The following ATP13A3 variants were observed in gnomAD, a reference collection of about 807,000 sequenced individuals.
ATP13A3 encodes the protein ATPase 13A3.
Under a neutral mutation model 158.1 loss-of-function variants are expected in ATP13A3, and 59 were observed. The ratio of observed to expected loss-of-function variants is 0.37; its 90% CI spans 0.30 to 0.46. ATP13A3 has a LOEUF of 0.46. Among genes scored for constraint, ATP13A3 ranks in the 20% least tolerant of loss-of-function variants. ATP13A3 has a pLI of 1.00. For synonymous variants in ATP13A3, 491 were observed against 504.3 expected, an observed-to-expected ratio of 0.97 and a Z score of 0.35; for missense variants, 1,166 against 1,525.2, an observed-to-expected ratio of 0.76 and a Z score of 3.92.
intron 2 of ATP13A3, among the ~76,000 whole-genome samples, chr3:194,465,938 C>T (rs560853516): frequency 5.3e-5 from 8 of 151,586 alleles, no homozygotes; most frequent in Non-Finnish European, 1.0e-4. Context: ...GCCAAGATCA[C>T]GCCACTGCAC....
chr3:194,431,351 C>T, intron 22 of ATP13A3, 125 bp from the exon 23 acceptor site: 1 of 1,155,042 alleles, frequency 8.7e-7, no homozygotes, highest in South Asian at 1.8e-5. Context: ...ATGATGAAAG[C>T]CGGACATTTA....
chr3:194,447,865 C>T lies in ATP13A3; in HGVS notation c.1295G>A (p.Ser432Asn), dbSNP rs754457216. ...CCACATACATACCTCATTTAAAATGCTATTAATAATAGTGTAGATAAACCC... is the reference window on the plus strand; with the variant it reads ...CCACATACATACCTCATTTAAAATGTTATTAATAATAGTGTAGATAAACCC... ...GIGFIYTIIN[S>N]ILNEVQVGVI... Residue 432 changes from serine to asparagine, a missense_variant, in exon 13 of 34, where the codon AGC becomes AAC. By Grantham distance (46) the Ser-to-Asn change is conservative (BLOSUM62 1). Transcript: ENST00000645319. 22 of 1,610,006 alleles carry T rather than the reference C, an allele frequency of 1.4e-5. No individual in the cohort carries two copies. Among genetic ancestry groups the T allele is most frequent in the African/African-American group, 5.4e-5 (4 of 74,724 alleles).
At position 194,459,863 on chromosome 3, in the gene ATP13A3, C is replaced by T. The variant is rs1719513337; in HGVS notation, c.334G>A (p.Val112Ile). Residue 112 changes from valine to isoleucine, a missense_variant, in exon 5 of 34, where the codon GTT becomes ATT. Physicochemically the swap from Val to Ile is conservative, Grantham distance 29 (BLOSUM62 3). Around this residue, in one of 3 missense-constraint regions of ATP13A3, gnomAD observed 104 missense variants for 91.7 expected, o/e 1.13. Transcript: ENST00000645319. ...MSNKLSNGHA[V>I]CLIENPTEEN... is the part of the protein sequence containing the mutation. ...TCAGTGGGATTCTCAATTAAACAAACTGCATGGCCATTTGAAAGCTTATTA... is the reference window on the plus strand; with the variant it reads ...TCAGTGGGATTCTCAATTAAACAAATTGCATGGCCATTTGAAAGCTTATTA... The T allele has an allele frequency of 1.2e-6, 2 of 1,613,576 alleles. No homozygotes were observed. The highest frequency in any genetic ancestry group is 1.7e-6 in the Non-Finnish European group (2 of 1,179,710).
chr3:194,429,562 G>GTACT (rs1287735101), intron 27 of ATP13A3, 116 bp downstream of exon 27: 1 of 636,774 alleles, frequency 1.6e-6, no homozygotes, highest in African/African-American at 1.9e-5. Flanking sequence ...AAATTTATAG[G>GTACT]TACTACTCAC....
At chr3:194,462,044 G>C (rs376542057) in intron 3 of ATP13A3, 96 bp downstream of exon 3, 1 of 1,188,986 alleles carries the variant, frequency 8.4e-7, no homozygotes, top group Non-Finnish European at 1.2e-6. Context: ...AGCTGCTGCC[G>C]CCACTGTTGT....
At chr3:194,438,074 C>T (rs1341692211) in intron 17 of ATP13A3, among the ~76,000 whole-genome samples, 1 of 152,154 alleles carries the variant, frequency 6.6e-6, no homozygotes, top group Non-Finnish European at 1.5e-5. Context: ...GCAGGAGAAT[C>T]ACTTGAACGC....
intron 21 of ATP13A3, 37 bp from the exon 22 acceptor site, chr3:194,431,929 A>C (rs1335335178): frequency 6.7e-7 from 1 of 1,486,406 alleles, no homozygotes; most frequent in Middle Eastern, 1.9e-4. Flanking sequence ...TTGAAATTAA[A>C]ATGGAAACGT....
At chr3:194,456,272 A>ATTTT (rs1719218830) in intron 7 of ATP13A3, among the ~76,000 whole-genome samples, 1 of 152,088 alleles carries the variant, frequency 6.6e-6, no homozygotes, top group African/African-American at 2.4e-5. Flanking sequence ...CTAGATCTTA[A>ATTTT]CAATTTTGAA....
intron 10 of ATP13A3, chr3:194,452,480 T>A (rs1227521465): frequency 2.6e-5 from 4 of 151,986 alleles, no homozygotes; most frequent in Non-Finnish European, 5.9e-5. Context: ...GGAGACTCTA[T>A]CGAAAAAATA....
In ATP13A3 at chr3:194,430,151, A is replaced by C; in HGVS notation, c.2698T>G (p.Leu900Val). 1 of 1,614,174 alleles carries C rather than the reference A, an allele frequency of 6.2e-7. No homozygotes were observed. The highest frequency in any genetic ancestry group is 1.1e-5 in the South Asian group (1 of 91,086). Residue 900 changes from leucine (L) to valine (V), a missense_variant, in exon 26 of 34, where the codon TTA becomes GTA. Coordinates refer to ENST00000645319, the MANE Select transcript of ATP13A3 (RefSeq NM_001367549.1). ...ALKRAHGGIS[L>V]SELEASVASP... ...GCCACTGAAGCTTCGAGCTCCGATA[A>C]GGAAATGCCTCCGTGTGCCCTCTTC...
chr3:194,403,090 G>A lies in ATP13A3; in HGVS notation c.*2829C>T, dbSNP rs965105717. Reference sequence around the variant, plus strand: ...ATTGCATGCATGAATATTTTCTAAAGCTTGAATTTTGCTCTTCACTGGATA... The same window carrying A: ...ATTGCATGCATGAATATTTTCTAAAACTTGAATTTTGCTCTTCACTGGATA... On this transcript the variant is annotated 3_prime_UTR_variant, in exon 34 of 34. Transcript: ENST00000645319. 1 of 152,122 alleles carries A rather than the reference G, an allele frequency of 6.6e-6. No homozygotes were observed. The highest frequency in any genetic ancestry group is 2.4e-5 in the African/African-American group (1 of 41,414). The allele number at this position is 152,122 out of a possible 1,614,324, so 9.4% of individuals were successfully genotyped here.
intron 20 of ATP13A3, among the ~76,000 whole-genome samples, chr3:194,434,213 T>C (rs1236782543): frequency 6.6e-6 from 1 of 152,204 alleles, no homozygotes; most frequent in Admixed American, 6.5e-5. Flanking sequence ...CATATCCTAA[T>C]TTAAATGTTA....
In ATP13A3 at chr3:194,427,078, G is replaced by A. The variant is rs201484522; in HGVS notation, c.3122C>T (p.Ser1041Leu). 5.2e-4 allele frequency: 834 copies of A among 1,611,074 alleles called. 4 individuals carry two copies. Among genetic ancestry groups the A allele is most frequent in the South Asian group, 1.9e-3 (172 of 90,130 alleles). The change falls in exon 29 of 34, where the codon TCA (serine) becomes TTA (leucine). Residue 1041 changes from serine to leucine, a missense_variant. By Grantham distance (145) the Ser-to-Leu change is moderately radical. This residue lies in a region of ATP13A3 where 997 missense variants were observed against 1,341.2 expected (regional missense o/e 0.74). Transcript: ENST00000645319. ...QPWYEVWHPK[S>L]DACNTTGSGF... is the part of the protein sequence containing the mutation. ...TTACATAGATTGACCAACTTACTCTGATTTTGGATGCCACACTTCATACCA... is the reference window on the plus strand; with the variant it reads ...TTACATAGATTGACCAACTTACTCTAATTTTGGATGCCACACTTCATACCA...
At chr3:194,447,700 A>G in intron 13 of ATP13A3, 152 bp downstream of exon 13, 1 of 680,462 alleles carries the variant, frequency 1.5e-6, no homozygotes, top group East Asian at 2.7e-5. Flanking sequence ...CATAGCTACT[A>G]GTCTCATGAC....
intron 3 of ATP13A3, among the ~76,000 whole-genome samples, chr3:194,461,569 G>A (rs116093412): frequency 6.6e-6 from 1 of 152,084 alleles, no homozygotes; most frequent in Admixed American, 6.6e-5. Context: ...CCCCCAACAA[G>A]CGTTGCCAGA....
intron 31 of ATP13A3, among the ~76,000 whole-genome samples, chr3:194,419,190 C>T (rs1716110790): frequency 6.6e-6 from 1 of 152,034 alleles, no homozygotes; most frequent in South Asian, 2.1e-4. Flanking sequence ...AAAAAGGGAA[C>T]AAGATAACAT....
At chr3:194,473,600 C>A (rs954872600) in intron 2 of ATP13A3, among the ~76,000 whole-genome samples, 2 of 152,030 alleles carry the variant, frequency 1.3e-5, no homozygotes, top group Non-Finnish European at 2.9e-5. Flanking sequence ...TATGGCCATA[C>A]CACCTTGAAC....
At position 194,431,869 on chromosome 3, in the gene ATP13A3, A is replaced by G. The variant is rs1717246531; in HGVS notation, c.2269T>C (p.Ser757Pro). Reference protein sequence around the residue: ...VTGDSMLTAVSVARDCGMILP... With the variant: ...VTGDSMLTAVPVARDCGMILP... ...ATCATTCCACAATCTCTGGCCACAG[A>G]GACAGCAGTCAACATACTGTCACCT... Residue 757 changes from serine to proline, a missense_variant, in exon 22 of 34, where the codon TCT (serine) becomes CCT (proline). Around this residue, in one of 3 missense-constraint regions of ATP13A3, gnomAD observed 997 missense variants for 1,341.2 expected, o/e 0.74. Coordinates refer to ENST00000645319, the MANE Select transcript of ATP13A3 (RefSeq NM_001367549.1). 1 of 1,602,138 alleles carries G rather than the reference A, an allele frequency of 6.2e-7. No individual in the cohort carries two copies. The highest frequency in any genetic ancestry group is 8.5e-7 in the Non-Finnish European group (1 of 1,176,278).
chr3:194,433,622 C>T (rs1717408632), intron 21 of ATP13A3, 150 bp downstream of exon 21: 1 of 958,252 alleles, frequency 1.0e-6, no homozygotes, highest in Non-Finnish European at 1.5e-6. Flanking sequence ...TTATCTTGCG[C>T]TTGGGAAAAT....
Sources: allele counts gnomAD v4.1 joint callset (sites outside exome capture counted in the v4.1 genomes callset), GRCh38; gene constraint gnomAD v4.1.1; regional missense constraint gnomAD v4.1.1; transcripts MANE v1.5; gene names NCBI Gene and HGNC (gene_info 2026-07-23, HGNC 2026-07-21).